The following NMNAT3 variants were observed in gnomAD, a reference collection of about 807,000 sequenced individuals.
The protein encoded by NMNAT3 is nicotinamide/nicotinic acid mononucleotide adenylyltransferase 3.
In NMNAT3, 21 loss-of-function variants were observed where a neutral mutation model predicts 24.8. The observed-to-expected ratio is 0.85, with a 90% CI of 0.60 to 1.22. The LOEUF is 1.22. Ranked by LOEUF, NMNAT3 falls within the 50% of genes most tolerant of loss-of-function variation. The probability of loss-of-function intolerance (pLI) is 0.00; values close to 1 mark genes in which losing one functional copy is unlikely to be tolerated. For missense variants in NMNAT3, 387 were observed against 436.6 expected, an observed-to-expected ratio of 0.89 and a Z score of 1.01; for synonymous variants, 136 against 155.2, an observed-to-expected ratio of 0.88 and a Z score of 0.92.
At chr3:139,579,229 C>A (rs547819902) in intron 4 of NMNAT3, among the ~76,000 whole-genome samples, 174 bp from the exon 5 acceptor site, 1 of 152,112 alleles carries the variant, frequency 6.6e-6, no homozygotes, top group Non-Finnish European at 1.5e-5. Flanking sequence ...AAAGGCACTA[C>A]CTTAGTGAAC....
chr3:139,648,065 T>C lies in NMNAT3; in HGVS notation c.-140-10003A>G, dbSNP rs75674901. ...GGTTTGGCTGTGGTCCCCACCCACA[T>C]CTTATCTTGAATTGTAATCACCACA... On this transcript the variant is annotated intron_variant, in intron 1 of 6. Coordinates refer to ENST00000643695, the MANE Select transcript of NMNAT3 (RefSeq NM_001320510.2). Among the ~76,000 whole-genome samples, 391 of 152,288 alleles carry C rather than the reference T, an allele frequency of 2.6e-3. 1 individual carries two copies. Among genetic ancestry groups the C allele is most frequent in the African/African-American group, 9.0e-3 (374 of 41,556 alleles).
chr3:139,578,640 C>A (rs1182308122), intron 5 of NMNAT3, among the ~76,000 whole-genome samples: 1 of 152,196 alleles, frequency 6.6e-6, no homozygotes, highest in Non-Finnish European at 1.5e-5. Context: ...TTGGGTGTTT[C>A]CACAAAGTGC....
intron 3 of NMNAT3, among the ~76,000 whole-genome samples, chr3:139,623,899 T>C (rs181506836): frequency 6.6e-6 from 1 of 152,250 alleles, no homozygotes; most frequent in East Asian, 1.9e-4. Context: ...TTTAGACTTT[T>C]ATATGATTAG....
chr3:139,668,038 G>A (rs1180246021), intron 1 of NMNAT3, among the ~76,000 whole-genome samples: 1 of 152,214 alleles, frequency 6.6e-6, no homozygotes, highest in Non-Finnish European at 1.5e-5. Context: ...CAAACCAGGT[G>A]TGTGAATGAA....
At position 139,560,622 on chromosome 3, in the gene NMNAT3, A is replaced by G. The variant is rs190574222; in HGVS notation, c.*388T>C. 1.6e-3 allele frequency: 297 copies of G among 182,726 alleles called. No homozygotes were observed. The highest frequency in any genetic ancestry group is 2.6e-3 in the Non-Finnish European group (229 of 87,328). 11.3% of individuals were successfully genotyped at this position (182,726 alleles called of 1,614,324 possible). A position where few individuals can be genotyped will look rare whatever the true frequency, so the allele number is the denominator to read the frequency against. On this transcript the variant is annotated 3_prime_UTR_variant, in exon 7 of 7. Transcript: ENST00000643695. ...AGCATGCTGCACCTGGTCCTAGTTA[A>G]AAAACACATTGTGGGCAATTCTGAT...
At chr3:139,633,381 T>C (rs1196528662) in intron 2 of NMNAT3, among the ~76,000 whole-genome samples, 1 of 152,062 alleles carries the variant, frequency 6.6e-6, no homozygotes, top group Non-Finnish European at 1.5e-5. Flanking sequence ...GGTTTCTCCA[T>C]GTTGGTCAGG....
chr3:139,676,124 TAC>T (rs2057921578), intron 1 of NMNAT3, among the ~76,000 whole-genome samples: 1 of 152,212 alleles, frequency 6.6e-6, no homozygotes, highest in African/African-American at 2.4e-5. Context: ...GTTAACATCA[TAC>T]CTGTTCTTTT....
rs372592385 is a variant in NMNAT3, at chr3:139,576,761, A to G, written c.575+2111T>C. ...CACAAGAATAAAGGAGTTATTTAAAAAAAATTAAAAAGAGGCCTGGTGTGG... is the reference window on the plus strand; with the variant it reads ...CACAAGAATAAAGGAGTTATTTAAAGAAAATTAAAAAGAGGCCTGGTGTGG... On this transcript the variant is annotated intron_variant, in intron 5 of 6. Coordinates refer to ENST00000643695, the MANE Select transcript of NMNAT3 (RefSeq NM_001320510.2). 2.0e-5 allele frequency among the ~76,000 whole-genome samples: 3 copies of G among 152,286 alleles called. No homozygotes were observed. In the South Asian group the frequency reaches 6.2e-4, roughly 32 times the overall value.
At chr3:139,587,119 C>T (rs1045012346) in intron 3 of NMNAT3, among the ~76,000 whole-genome samples, 2 of 152,200 alleles carry the variant, frequency 1.3e-5, no homozygotes, top group African/African-American at 4.8e-5. Flanking sequence ...ACGGCACTGA[C>T]AGAATAGAAA....
chr3:139,608,471 C>G (rs765246543), intron 3 of NMNAT3, among the ~76,000 whole-genome samples: 11 of 152,188 alleles, frequency 7.2e-5, no homozygotes, highest in Non-Finnish European at 1.2e-4. Context: ...TGGAAGAAGT[C>G]CAGTGAAGGA....
chr3:139,627,347 T>C (rs908814597), intron 3 of NMNAT3, among the ~76,000 whole-genome samples: 1 of 152,052 alleles, frequency 6.6e-6, no homozygotes, highest in Non-Finnish European at 1.5e-5. Context: ...ACAGGTTCTG[T>C]AGAGGGCCTG....
chr3:139,661,595 A>G (rs532562789), intron 1 of NMNAT3, among the ~76,000 whole-genome samples: 7 of 152,198 alleles, frequency 4.6e-5, no homozygotes, highest in Non-Finnish European at 1.0e-4. Flanking sequence ...GGTTGATCCC[A>G]GGAGTTCAAG....
At chr3:139,591,755 G>A (rs149721969) in intron 3 of NMNAT3, among the ~76,000 whole-genome samples, 788 of 110,414 alleles carry the variant, frequency 7.1e-3, no homozygotes, top group South Asian at 0.012. Flanking sequence ...TGCAGCTGAG[G>A]GTCCTGTCTG....
intron 1 of NMNAT3, among the ~76,000 whole-genome samples, chr3:139,654,194 A>T (rs1308603635): frequency 1.3e-5 from 2 of 152,214 alleles, no homozygotes; most frequent in Non-Finnish European, 2.9e-5. Flanking sequence ...TTGGCAATTA[A>T]TCTGCAGATA....
At chr3:139,633,949 T>C (rs757349676) in intron 2 of NMNAT3, among the ~76,000 whole-genome samples, 6 of 152,190 alleles carry the variant, frequency 3.9e-5, no homozygotes, top group Non-Finnish European at 5.9e-5. Flanking sequence ...GGACAGTGGG[T>C]ACATCAGAAA....
chr3:139,615,649 G>A (rs1007716790), intron 3 of NMNAT3, among the ~76,000 whole-genome samples: 7 of 152,166 alleles, frequency 4.6e-5, no homozygotes, highest in South Asian at 4.1e-4. Flanking sequence ...AGTGAGATGC[G>A]TGACTTCCAT....
chr3:139,663,213 T>C (rs572377302), intron 1 of NMNAT3, among the ~76,000 whole-genome samples: 102 of 152,326 alleles, frequency 6.7e-4, no homozygotes, highest in African/African-American at 2.2e-3. Context: ...AAGCCAGCAA[T>C]GGGCAGTCCA....
At chr3:139,602,990 G>A (rs1015115288) in intron 3 of NMNAT3, among the ~76,000 whole-genome samples, 1 of 152,150 alleles carries the variant, frequency 6.6e-6, no homozygotes, top group African/African-American at 2.4e-5. Context: ...TCCCTGTGGG[G>A]AAACTTTTTT....
At chr3:139,565,960 C>T (rs1937126079) in intron 6 of NMNAT3, 1 of 152,196 alleles carries the variant, frequency 6.6e-6, no homozygotes, top group South Asian at 2.1e-4. Flanking sequence ...AATGGTTGAA[C>T]TAGTTTACAG....
Sources: gnomAD v4.1 joint callset for allele counts (sites outside exome capture counted in the v4.1 genomes callset) on GRCh38, gnomAD v4.1.1 for gene constraint, MANE v1.5 for transcripts, NCBI Gene and HGNC (gene_info 2026-07-23, HGNC 2026-07-21) for gene names.